Variants in DOCK2 observed in about 807,000 individuals in gnomAD.
DOCK2 encodes the protein dedicator of cytokinesis 2.
Under a neutral mutation model 248.9 loss-of-function variants are expected in DOCK2, and 87 were observed. The observed-to-expected ratio is 0.35, with a 90% CI of 0.29 to 0.42. The LOEUF (loss-of-function observed/expected upper bound fraction) is 0.42, where lower values mean the gene tolerates loss of function less well. DOCK2 is among the 10% of genes least tolerant of loss of function. The pLI is 1.00. For synonymous variants in DOCK2, 805 were observed against 821.6 expected, an observed-to-expected ratio of 0.98 and a Z score of 0.35; for missense variants, 1,747 against 2,300.2, an observed-to-expected ratio of 0.76 and a Z score of 4.92.
At chr5:169,891,133 G>T (rs1267361143) in intron 27 of DOCK2, among the ~76,000 whole-genome samples, 1 of 152,030 alleles carries the variant, frequency 6.6e-6, no homozygotes, top group African/African-American at 2.4e-5. Flanking sequence ...CCCTGGCCCT[G>T]AACATGCTAG....
intron 17 of DOCK2, 134 bp from the exon 18 acceptor site, chr5:169,713,894 A>T: frequency 1.0e-6 from 1 of 979,024 alleles, no homozygotes; most frequent in Non-Finnish European, 1.4e-6. Flanking sequence ...GCCAATGTCT[A>T]TTGCTTCTCT....
At chr5:169,836,930 C>T (rs1348893278) in intron 26 of DOCK2, among the ~76,000 whole-genome samples, 3 of 152,114 alleles carry the variant, frequency 2.0e-5, no homozygotes, top group Non-Finnish European at 4.4e-5. Flanking sequence ...ATTTGGTGTG[C>T]TTTCTTATTC....
At chr5:169,925,218 G>C (rs1349650483) in intron 27 of DOCK2, among the ~76,000 whole-genome samples, 1 of 152,188 alleles carries the variant, frequency 6.6e-6, no homozygotes, top group Non-Finnish European at 1.5e-5. Flanking sequence ...GGCAGCCCTA[G>C]CTTAGCTTCA....
intron 27 of DOCK2, among the ~76,000 whole-genome samples, chr5:169,862,011 G>A (rs766877938): frequency 1.3e-5 from 2 of 151,708 alleles, no homozygotes; most frequent in Non-Finnish European, 2.9e-5. Context: ...TCAGTTAAGG[G>A]TTCATGTGAG....
intron 8 of DOCK2, among the ~76,000 whole-genome samples, chr5:169,684,753 G>T (rs1044544464): frequency 2.0e-5 from 3 of 152,192 alleles, no homozygotes; most frequent in Non-Finnish European, 2.9e-5. Flanking sequence ...AGGCTCAAGT[G>T]GTTCTCCCAC....
At chr5:169,669,184 T>A (rs753998412) in intron 2 of DOCK2, 104 bp from the exon 3 acceptor site, 15 of 1,389,112 alleles carry the variant, frequency 1.1e-5, no homozygotes, top group African/African-American at 1.4e-5. Context: ...TAAAGCAATT[T>A]GCAGTAGTTT....
chr5:169,908,009 C>G (rs895350782), intron 27 of DOCK2, among the ~76,000 whole-genome samples: 2 of 152,230 alleles, frequency 1.3e-5, no homozygotes, highest in Non-Finnish European at 2.9e-5. Flanking sequence ...TTTATCTCCT[C>G]TCTTGCTCTG....
At chr5:169,883,029 A>G (rs1444349874) in intron 27 of DOCK2, 1 of 1,551,676 alleles carries the variant, frequency 6.4e-7, no homozygotes, top group Non-Finnish European at 8.7e-7. Context: ...ACAGTGAGCC[A>G]AGGTCTTTGT....
At chr5:170,041,237 G>A in intron 37 of DOCK2, 92 bp downstream of exon 37, 1 of 1,245,626 alleles carries the variant, frequency 8.0e-7, no homozygotes, top group Non-Finnish European at 1.2e-6. Flanking sequence ...AAAAGAAAAA[G>A]AATCCAAATA....
At chr5:170,078,839 A>G (rs1757928683) in intron 48 of DOCK2, 136 bp from the exon 49 acceptor site, 13 of 895,568 alleles carry the variant, frequency 1.5e-5, no homozygotes, top group Non-Finnish European at 2.2e-5. Flanking sequence ...CCTCTGCCAG[A>G]TTTGCTGATC....
At chr5:169,927,569 A>T (rs980443860) in intron 27 of DOCK2, among the ~76,000 whole-genome samples, 1 of 152,232 alleles carries the variant, frequency 6.6e-6, no homozygotes, top group Non-Finnish European at 1.5e-5. Flanking sequence ...AGAATCAAAG[A>T]TAATTCTAAA....
At chr5:169,805,234 G>C (rs1051911067) in intron 26 of DOCK2, among the ~76,000 whole-genome samples, 1 of 144,886 alleles carries the variant, frequency 6.9e-6, no homozygotes, top group Non-Finnish European at 1.5e-5. Flanking sequence ...AAAAAAAAAA[G>C]GAAAGAAAAG....
chr5:169,863,674 C>G (rs1391582546), intron 27 of DOCK2, among the ~76,000 whole-genome samples: 2 of 152,190 alleles, frequency 1.3e-5, no homozygotes, highest in Non-Finnish European at 1.5e-5. Context: ...GATGACAGAG[C>G]CTTAATTTGG....
At chr5:169,828,296 T>G (rs79217882) in intron 26 of DOCK2, among the ~76,000 whole-genome samples, 1 of 152,194 alleles carries the variant, frequency 6.6e-6, no homozygotes, top group Admixed American at 6.5e-5. Context: ...CCTTTGCTAG[T>G]AGTTTTTCTA....
chr5:170,001,826 A>T (rs1162138174), intron 30 of DOCK2, among the ~76,000 whole-genome samples: 1 of 152,224 alleles, frequency 6.6e-6, no homozygotes, highest in East Asian at 1.9e-4. Flanking sequence ...TATGACACAG[A>T]TGTTGTGAAC....
At chr5:169,979,174 T>G (rs1198169931) in intron 27 of DOCK2, among the ~76,000 whole-genome samples, 1 of 152,134 alleles carries the variant, frequency 6.6e-6, no homozygotes, top group Non-Finnish European at 1.5e-5. Flanking sequence ...CCCCATGCAG[T>G]ATTCAGGCTT....
intron 26 of DOCK2, among the ~76,000 whole-genome samples, chr5:169,805,151 G>A (rs1263854271): frequency 6.6e-6 from 1 of 151,248 alleles, no homozygotes; most frequent in African/African-American, 2.4e-5. Context: ...AGCCCAGGGA[G>A]GAGGATTACT....
chr5:169,904,313 C>CT, intron 27 of DOCK2, among the ~76,000 whole-genome samples: 1 of 151,448 alleles, frequency 6.6e-6, no homozygotes, highest in East Asian at 1.9e-4. Context: ...TTGTCCCTTC[C>CT]TTTTTCTTGC....
intron 27 of DOCK2, among the ~76,000 whole-genome samples, chr5:169,978,499 G>T (rs963928489): frequency 1.3e-4 from 19 of 151,546 alleles, no homozygotes; most frequent in African/African-American, 4.6e-4. Flanking sequence ...TCATGATGAT[G>T]ATGATGATGA....
Sources: allele counts gnomAD v4.1 joint callset (sites outside exome capture counted in the v4.1 genomes callset), GRCh38; gene constraint gnomAD v4.1.1; transcripts MANE v1.5; gene names NCBI Gene and HGNC (gene_info 2026-07-23, HGNC 2026-07-21).